The following PCDH11Y variants were observed in gnomAD, a reference collection of about 807,000 sequenced individuals.
PCDH11Y encodes protocadherin-11 Y-linked.
For missense variants in PCDH11Y, 12 were observed against 224.8 expected (o/e 0.05, Z 6.05); for synonymous variants, 9 against 83.6 (o/e 0.11, Z 4.87).
intron 2 of PCDH11Y, among the ~76,000 whole-genome samples, chrY:5,464,249 A>G: frequency 3.2e-5 from 1 of 31,159 alleles, no homozygotes; most frequent in African/African-American, 1.3e-4. Flanking sequence ...CATTTTTTTG[A>G]TTTCCTTAAA....
At chrY:5,486,449 C>T in intron 2 of PCDH11Y, among the ~76,000 whole-genome samples, 2 of 29,856 alleles carry the variant, frequency 6.7e-5, no homozygotes. Flanking sequence ...TCATTAATTA[C>T]TATCTTGAAA....
intron 2 of PCDH11Y, among the ~76,000 whole-genome samples, chrY:5,305,466 G>T: frequency 9.1e-5 from 3 of 32,951 alleles, no homozygotes; most frequent in Non-Finnish European, 2.2e-4. Context: ...ATTTAACCAG[G>T]TTTGTTTGTA....
chrY:5,135,201 T>C (rs1602873630), intron 2 of PCDH11Y, among the ~76,000 whole-genome samples: 3 of 32,725 alleles, frequency 9.2e-5, no homozygotes, highest in East Asian at 1.7e-3. Context: ...GCCAGAGGAA[T>C]TGGGGAGGGA....
intron 2 of PCDH11Y, among the ~76,000 whole-genome samples, chrY:5,490,556 A>G: frequency 2.9e-5 from 1 of 34,622 alleles, no homozygotes. Flanking sequence ...TTTGAAACCC[A>G]GGAATTTGTG....
At chrY:5,327,491 T>A (rs2053123515) in intron 2 of PCDH11Y, among the ~76,000 whole-genome samples, 1 of 33,733 alleles carries the variant, frequency 3.0e-5, no homozygotes, top group Non-Finnish European at 7.3e-5. Flanking sequence ...CAGGCTAGTG[T>A]TAACAGGCTT....
chrY:5,162,334 T>C, intron 2 of PCDH11Y, among the ~76,000 whole-genome samples: 1 of 32,645 alleles, frequency 3.1e-5, no homozygotes, highest in Non-Finnish European at 7.5e-5. Context: ...CTGCATCTAC[T>C]AACAAATAAC....
chrY:5,328,850 G>A, intron 2 of PCDH11Y, among the ~76,000 whole-genome samples: 1 of 31,454 alleles, frequency 3.2e-5, no homozygotes, highest in Non-Finnish European at 7.6e-5. Context: ...AGATGGGTCT[G>A]TAGAAAAGGA....
At chrY:5,338,900 A>G in intron 2 of PCDH11Y, 2 of 278,020 alleles carry the variant, frequency 7.2e-6, no homozygotes, top group South Asian at 6.5e-5. Context: ...ACTCTCAATG[A>G]CGCATTCGGG....
chrY:5,554,331 G>A (rs2053421699), intron 3 of PCDH11Y, among the ~76,000 whole-genome samples: 1 of 34,420 alleles, frequency 2.9e-5, no homozygotes, highest in African/African-American at 1.2e-4. Context: ...GGAAAGCAGA[G>A]CATAAGAGTT....
intron 2 of PCDH11Y, among the ~76,000 whole-genome samples, chrY:5,168,542 CATAT>C (rs61386097): frequency 2.7e-3 from 4 of 1,477 alleles, no homozygotes; most frequent in Non-Finnish European, 4.7e-3. Flanking sequence ...TCGTAGACAT[CATAT>C]ATATATATAT....
intron 2 of PCDH11Y, among the ~76,000 whole-genome samples, chrY:5,311,500 T>A (rs373837891): frequency 7.1e-4 from 16 of 22,641 alleles, no homozygotes; most frequent in Admixed American, 1.3e-3. Context: ...TATATATATA[T>A]ACACACACAC....
chrY:5,108,037 C>T (rs1602868688), downstream of PCDH11Y, among the ~76,000 whole-genome samples: 4 of 19,193 alleles, frequency 2.1e-4, no homozygotes, highest in Admixed American at 1.1e-3. Context: ...CCAGCCTGGG[C>T]GACAGAGCCA....
chrY:5,587,433 GT>G (rs2053457178), intron 4 of PCDH11Y, among the ~76,000 whole-genome samples: 2 of 32,489 alleles, frequency 6.2e-5, no homozygotes, highest in Non-Finnish European at 1.5e-4. Context: ...TAACTATTAG[GT>G]TTTTTTGTTC....
chrY:5,006,228 C>T (rs376844020), intron 1 of PCDH11Y, among the ~76,000 whole-genome samples: 27 of 26,662 alleles, frequency 1.0e-3, no homozygotes, highest in Admixed American at 2.2e-3. Flanking sequence ...CCTCCTCCCC[C>T]CCTCCTCCTT....
At chrY:5,426,453 A>T in intron 2 of PCDH11Y, among the ~76,000 whole-genome samples, 1 of 33,015 alleles carries the variant, frequency 3.0e-5, no homozygotes. Flanking sequence ...ATAGTTGATT[A>T]CCTTTTAAAA....
At chrY:5,411,751 C>T in intron 2 of PCDH11Y, among the ~76,000 whole-genome samples, 2 of 32,239 alleles carry the variant, frequency 6.2e-5, no homozygotes. Context: ...TGTAGGTATG[C>T]GGCTTTATTT....
At chrY:5,194,920 T>C (rs2124648902) in intron 2 of PCDH11Y, among the ~76,000 whole-genome samples, 1 of 33,389 alleles carries the variant, frequency 3.0e-5, no homozygotes, top group East Asian at 8.0e-4. Context: ...GATTGGTCCA[T>C]TTTGACAGCG....
intron 2 of PCDH11Y, among the ~76,000 whole-genome samples, chrY:5,386,416 G>T (rs2053215718): frequency 3.1e-5 from 1 of 32,477 alleles, no homozygotes; most frequent in Non-Finnish European, 7.5e-5. Flanking sequence ...CAAGGCCGGG[G>T]AAGTTTTCCT....
intron 2 of PCDH11Y, among the ~76,000 whole-genome samples, chrY:5,219,110 A>G: frequency 2.9e-5 from 1 of 34,337 alleles, no homozygotes; most frequent in African/African-American, 1.1e-4. Flanking sequence ...TTATTCATTT[A>G]TATATTGATG....
Sources: gnomAD v4.1 joint callset for allele counts (sites outside exome capture counted in the v4.1 genomes callset) on GRCh38, gnomAD v4.1.1 for gene constraint, MANE v1.5 for transcripts, NCBI Gene and HGNC (gene_info 2026-07-23, HGNC 2026-07-21) for gene names.